SENP7: variants seen among roughly 807,000 people sequenced by gnomAD.
SENP7 encodes sentrin-specific protease 7.
SENP7 carries 64 observed loss-of-function variants against 141.2 expected under a neutral mutation model. The ratio of observed to expected loss-of-function variants is 0.45; its 90% CI spans 0.37 to 0.56. SENP7 has a LOEUF of 0.56. Ranked by LOEUF, SENP7 falls within the 20% of genes least tolerant of loss-of-function variation. SENP7 has a pLI of 0.00. For synonymous variants in SENP7, 382 were observed against 426.4 expected, an observed-to-expected ratio of 0.90 and a Z score of 1.28; for missense variants, 1,025 against 1,212.2, an observed-to-expected ratio of 0.85 and a Z score of 2.29.
rs143265103 is a variant in SENP7 at position 101,506,019 on chromosome 3, A to ATTTTT, written c.41-4901_41-4900insAAAAA. Among the ~76,000 whole-genome samples, 584 of 142,110 alleles carry ATTTTT rather than the reference A, an allele frequency of 4.1e-3. 40 individuals are homozygous for ATTTTT. The highest frequency in any genetic ancestry group is 9.9e-3 in the South Asian group (45 of 4,556). 93.2% of individuals were successfully genotyped at this position (142,110 alleles called of 152,430 possible). A position where few individuals can be genotyped will look rare whatever the true frequency, so the allele number is the denominator to read the frequency against. On this transcript the variant is annotated intron_variant, in intron 1 of 23. Coordinates refer to ENST00000394095, the MANE Select transcript of SENP7 (RefSeq NM_020654.5). The stretch of plus-strand genomic sequence containing the variant: ...CCACTCATTCACTTATTTATTCCAT[A>ATTTTT]ATTTTTTTTTTTTTTTTTTGAGACG...
At position 101,491,883 on chromosome 3, in the gene SENP7, G is replaced by C. The variant is rs1207175863; in HGVS notation, c.186+1990C>G. Among the ~76,000 whole-genome samples, 3 of 152,118 alleles carry C rather than the reference G, an allele frequency of 2.0e-5. No homozygotes were observed. In the East Asian group the frequency reaches 5.8e-4, roughly 29 times the overall value. ...AAGGCAGGTGGATCACCTGAGGTTGGGAGTTCGAGACCAGCCTGACCAACA... is the reference window on the plus strand; with the variant it reads ...AAGGCAGGTGGATCACCTGAGGTTGCGAGTTCGAGACCAGCCTGACCAACA... On this transcript the variant is annotated intron_variant, in intron 3 of 23. Transcript: ENST00000394095.
chr3:101,434,824 T>C (rs1377952209), intron 4 of SENP7, among the ~76,000 whole-genome samples: 1 of 152,102 alleles, frequency 6.6e-6, no homozygotes, highest in Non-Finnish European at 1.5e-5. Context: ...GGTTCACTGC[T>C]AAATTCTACC....
At chr3:101,479,136 T>A (rs759640474) in intron 3 of SENP7, among the ~76,000 whole-genome samples, 1 of 152,190 alleles carries the variant, frequency 6.6e-6, no homozygotes. Flanking sequence ...CTCTAAGAAC[T>A]GGAACAAAAC....
intron 2 of SENP7, among the ~76,000 whole-genome samples, chr3:101,497,744 CTAAA>C (rs763890389): frequency 2.0e-5 from 3 of 152,142 alleles, no homozygotes; most frequent in East Asian, 1.9e-4. Context: ...AGGAGGATCT[CTAAA>C]TAAATAAATA....
At chr3:101,376,374 T>C (rs2060328679) in intron 6 of SENP7, among the ~76,000 whole-genome samples, 1 of 152,014 alleles carries the variant, frequency 6.6e-6, no homozygotes, top group Non-Finnish European at 1.5e-5. Context: ...TGATATTCTA[T>C]TACAATCTTT....
chr3:101,353,717 A>C (rs541879278), intron 11 of SENP7, among the ~76,000 whole-genome samples: 6 of 152,172 alleles, frequency 3.9e-5, no homozygotes, highest in Admixed American at 6.6e-5. Context: ...CAATGTTTAC[A>C]TTTATTGCAG....
chr3:101,404,582 T>C (rs901696033), intron 5 of SENP7, among the ~76,000 whole-genome samples: 4 of 152,120 alleles, frequency 2.6e-5, no homozygotes, highest in African/African-American at 9.7e-5. Context: ...TGGGATCTAA[T>C]TAAACTAAGG....
At chr3:101,453,309 G>A (rs982965007) in intron 4 of SENP7, among the ~76,000 whole-genome samples, 2 of 152,130 alleles carry the variant, frequency 1.3e-5, no homozygotes, top group Non-Finnish European at 1.5e-5. Flanking sequence ...TCAGTGTGGC[G>A]ATTCCTCAGG....
chr3:101,434,619 T>A (rs1192891634), intron 4 of SENP7, among the ~76,000 whole-genome samples: 2 of 151,982 alleles, frequency 1.3e-5, no homozygotes, highest in African/African-American at 4.8e-5. Flanking sequence ...ATTCAGAGGA[T>A]CATTAGTGGC....
intron 4 of SENP7, among the ~76,000 whole-genome samples, chr3:101,421,057 T>C (rs1032227719): frequency 1.3e-5 from 2 of 152,220 alleles, no homozygotes; most frequent in African/African-American, 4.8e-5. Context: ...GTGGACTTTA[T>C]AGCAGATGAT....
chr3:101,360,620 G>A (rs922598283), intron 11 of SENP7, among the ~76,000 whole-genome samples: 1 of 152,184 alleles, frequency 6.6e-6, no homozygotes, highest in African/African-American at 2.4e-5. Flanking sequence ...ACATTTAAGT[G>A]CCTGCTTAGA....
At chr3:101,473,324 T>C (rs899019350) in intron 3 of SENP7, among the ~76,000 whole-genome samples, 4 of 152,208 alleles carry the variant, frequency 2.6e-5, no homozygotes, top group African/African-American at 7.2e-5. Flanking sequence ...TCTTCCACAA[T>C]GGGTGAACTA....
At chr3:101,343,110 G>A (rs1042286248) in intron 14 of SENP7, among the ~76,000 whole-genome samples, 7 of 152,142 alleles carry the variant, frequency 4.6e-5, no homozygotes, top group Non-Finnish European at 1.0e-4. Flanking sequence ...ATACGAAGGG[G>A]TGTGTTATGT....
chr3:101,464,607 T>G (rs1043054895), intron 3 of SENP7, among the ~76,000 whole-genome samples: 3 of 152,122 alleles, frequency 2.0e-5, no homozygotes, highest in Non-Finnish European at 4.4e-5. Context: ...ATCATCTAGT[T>G]GCAGGAAATC....
At chr3:101,345,447 T>C (rs1452475099) in intron 13 of SENP7, among the ~76,000 whole-genome samples, 1 of 152,210 alleles carries the variant, frequency 6.6e-6, no homozygotes, top group Non-Finnish European at 1.5e-5. Context: ...GCTAGCTATA[T>C]TCCTCCTTGG....
chr3:101,379,696 A>C (rs147198140), intron 6 of SENP7, among the ~76,000 whole-genome samples: 128 of 152,328 alleles, frequency 8.4e-4, no homozygotes, highest in African/African-American at 2.9e-3. Context: ...CGAGATATGG[A>C]GTAACTGGAA....
intron 4 of SENP7, among the ~76,000 whole-genome samples, chr3:101,454,188 T>G (rs900637801): frequency 3.3e-5 from 5 of 152,196 alleles, no homozygotes; most frequent in Non-Finnish European, 7.3e-5. Context: ...ATTCTAATCC[T>G]AGTTATCTAT....
At chr3:101,454,792 A>C (rs2063294694) in intron 4 of SENP7, among the ~76,000 whole-genome samples, 1 of 152,228 alleles carries the variant, frequency 6.6e-6, no homozygotes, top group Non-Finnish European at 1.5e-5. Flanking sequence ...CCAAAAAATC[A>C]AATCTTATAG....
chr3:101,383,798 G>T (rs1200990991), intron 6 of SENP7, among the ~76,000 whole-genome samples: 1 of 152,216 alleles, frequency 6.6e-6, no homozygotes, highest in Admixed American at 6.5e-5. Context: ...TGGGCACTGG[G>T]GATAGGAGGT....
Sources: allele counts gnomAD v4.1 joint callset (sites outside exome capture counted in the v4.1 genomes callset), GRCh38; gene constraint gnomAD v4.1.1; transcripts MANE v1.5; gene names NCBI Gene and HGNC (gene_info 2026-07-23, HGNC 2026-07-21).